GLB1L3: variants seen among roughly 807,000 people sequenced by gnomAD.
The protein encoded by GLB1L3 is galactosidase beta 1 like 3, also known as beta-galactosidase-1-like protein 3.
A neutral mutation model predicts 89.5 loss-of-function variants in GLB1L3; 89 were observed. The ratio of observed to expected loss-of-function variants is 0.99; its 90% CI spans 0.84 to 1.19. GLB1L3 has a LOEUF of 1.19. Ranked by LOEUF, GLB1L3 falls within the 50% of genes most tolerant of loss-of-function variation. The pLI is 0.00. For synonymous variants in GLB1L3, 314 were observed against 312.3 expected (o/e 1.01, Z -0.06); for missense variants, 812 against 813.3 (o/e 1.00, Z 0.02).
At chr11:134,314,791 A>C (rs1692879711) in intron 18 of GLB1L3, among the ~76,000 whole-genome samples, 1 of 152,168 alleles carries the variant, frequency 6.6e-6, no homozygotes, top group African/African-American at 2.4e-5. Context: ...ACACACGTAC[A>C]CAATTATTTT....
At chr11:134,294,819 G>T (rs537396468) in intron 9 of GLB1L3, among the ~76,000 whole-genome samples, 1 of 152,238 alleles carries the variant, frequency 6.6e-6, no homozygotes, top group African/African-American at 2.4e-5. Flanking sequence ...AGGACTCAGC[G>T]CTTCATTTCC....
Position 134,305,260 on chromosome 11 carries a change from C to T in GLB1L3, c.877-1864C>T, listed in dbSNP as rs372592285. ...ATTATGTAAAGTGCATTCCCTTCAC[C>T]AGCTTGTGCACCCTATTCTGTAACT... On this transcript the variant is annotated intron_variant, in intron 9 of 19. Transcript: ENST00000431683. 3 of 717,910 alleles carry T rather than the reference C, an allele frequency of 4.2e-6. No individual in the cohort carries two copies. In the African/African-American group the frequency reaches 5.2e-5, roughly 13 times the overall value. The allele number at this position is 717,910 out of a possible 1,614,324, so 44.5% of individuals were successfully genotyped here.
At chr11:134,297,876 A>AAAAAAAG (rs1555077361) in intron 9 of GLB1L3, among the ~76,000 whole-genome samples, 29 of 110,852 alleles carry the variant, frequency 2.6e-4, no homozygotes, top group Non-Finnish European at 3.8e-4. Flanking sequence ...AAAAAAAAAA[A>AAAAAAAG]AAAGAAAGAA....
intron 9 of GLB1L3, among the ~76,000 whole-genome samples, chr11:134,298,082 T>G (rs1412042236): frequency 6.6e-6 from 1 of 151,896 alleles, no homozygotes; most frequent in Non-Finnish European, 1.5e-5. Context: ...TTTTTTGTCT[T>G]TTATCCTCTG....
At chr11:134,292,872 C>T in intron 8 of GLB1L3, 2 of 532,890 alleles carry the variant, frequency 3.8e-6, no homozygotes, top group Non-Finnish European at 6.7e-6. Context: ...GTCCCGTTTC[C>T]AGTCTAATCA....
At chr11:134,299,934 G>A (rs1565405120) in intron 9 of GLB1L3, among the ~76,000 whole-genome samples, 1 of 152,132 alleles carries the variant, frequency 6.6e-6, no homozygotes, top group African/African-American at 2.4e-5. Flanking sequence ...ATGTCCTTAA[G>A]TGACAGCTTC....
intron 15 of GLB1L3, 56 bp downstream of exon 15, chr11:134,312,943 G>C (rs1488437229): frequency 1.7e-6 from 2 of 1,208,438 alleles, no homozygotes; most frequent in Non-Finnish European, 2.4e-6. Flanking sequence ...TGCAGACGGA[G>C]CCTGGTCCTG....
chr11:134,281,559 T>C (rs1940687326), intron 4 of GLB1L3, 114 bp downstream of exon 4: 1 of 1,063,636 alleles, frequency 9.4e-7, no homozygotes, highest in African/African-American at 1.7e-5. Flanking sequence ...TGGAGTCCTG[T>C]TCTAGGACTG....
rs775672234 is a variant in GLB1L3, at chr11:134,292,129, C to T, written c.730-3C>T. 4 of 1,612,322 alleles carry T rather than the reference C, an allele frequency of 2.5e-6. No individual in the cohort carries two copies. The South Asian group carries it at 3.3e-5, about 13-fold the overall frequency. On this transcript the variant is annotated splice_polypyrimidine_tract_variant and splice_region_variant and intron_variant, in intron 7 of 19. Transcript: ENST00000431683. Reference sequence around the variant, plus strand: ...GGTTCATTTTGGTTAATTTTCTCAACAGGCCCTGCTGAGAAGAGGGATTGT... The same window carrying T: ...GGTTCATTTTGGTTAATTTTCTCAATAGGCCCTGCTGAGAAGAGGGATTGT...
chr11:134,308,577 CCAT>C (rs1942525532), intron 10 of GLB1L3, among the ~76,000 whole-genome samples: 1 of 136,302 alleles, frequency 7.3e-6, no homozygotes. Context: ...ACCACCATCA[CCAT>C]CACCATCATC....
chr11:134,321,660 A>G (rs951522613), downstream of GLB1L3, among the ~76,000 whole-genome samples: 10 of 152,272 alleles, frequency 6.6e-5, no homozygotes, highest in Admixed American at 5.9e-4. Context: ...TCAGCAAACT[A>G]TCGCAAGGAC....
At chr11:134,288,044 C>G (rs1460368529) in intron 6 of GLB1L3, among the ~76,000 whole-genome samples, 1 of 152,120 alleles carries the variant, frequency 6.6e-6, no homozygotes, top group Non-Finnish European at 1.5e-5. Context: ...GGCTGGGCTC[C>G]AAGGAGAAGG....
rs553547890 is a variant in GLB1L3, at chr11:134,292,265, G to A, written c.811+52G>A. The A allele has an allele frequency of 1.1e-4, 146 of 1,387,698 alleles. No homozygotes were observed. In the East Asian group the frequency reaches 2.1e-3, roughly 20 times the overall value. 86.0% of individuals were successfully genotyped at this position (1,387,698 alleles called of 1,614,324 possible). ...AGAACAGGGCTCTCAGCCAGCCCGT[G>A]TAAATCTTGAACACACTGCAGAGAA... On this transcript the variant is annotated intron_variant, in intron 8 of 19. Transcript: ENST00000431683.
chr11:134,293,113 G>A (rs750873124), intron 8 of GLB1L3, 32 bp from the exon 9 acceptor site: 8 of 1,597,366 alleles, frequency 5.0e-6, no homozygotes, highest in South Asian at 3.3e-5. Flanking sequence ...CTTGTCTCAT[G>A]CCTCAGCTGG....
chr11:134,284,581 T>C (rs951479202), intron 6 of GLB1L3, among the ~76,000 whole-genome samples: 1 of 151,888 alleles, frequency 6.6e-6, no homozygotes, highest in Admixed American at 6.6e-5. Flanking sequence ...ACAAAAAAAT[T>C]AGCTGGGCAT....
chr11:134,304,663 T>G (rs1007682120), intron 9 of GLB1L3, among the ~76,000 whole-genome samples: 1 of 152,150 alleles, frequency 6.6e-6, no homozygotes, highest in African/African-American at 2.4e-5. Flanking sequence ...CTTTGTTAGG[T>G]AATATTTTAG....
intron 11 of GLB1L3, 130 bp from the exon 12 acceptor site, chr11:134,310,441 C>A: frequency 3.0e-6 from 2 of 659,878 alleles, no homozygotes; most frequent in Middle Eastern, 3.6e-4. Context: ...GCATCACACA[C>A]CCACGTGGGA....
intron 15 of GLB1L3, 123 bp downstream of exon 15, chr11:134,313,010 G>C (rs1177073803): frequency 3.9e-6 from 3 of 770,112 alleles, no homozygotes; most frequent in Non-Finnish European, 4.5e-6. Flanking sequence ...CACCTGGGGC[G>C]GCGGCAGGAA....
At position 134,309,683 on chromosome 11, in the gene GLB1L3, T is replaced by C. The variant is rs1487358243; in HGVS notation, c.1019T>C (p.Met340Thr). The change falls in exon 11 of 20, where the codon ATG (methionine) becomes ACG (threonine). Residue 340 changes from methionine (M) to threonine (T), a missense_variant. Physicochemically the swap from Met to Thr is moderately conservative, Grantham distance 81. Coordinates refer to ENST00000431683, the MANE Select transcript of GLB1L3 (RefSeq NM_001080407.3). ...IKYEISFNVYMFHGGTNFGFM... is the reference protein window; with the variant it reads ...IKYEISFNVYTFHGGTNFGFM... ...TATGAGATCTCCTTCAATGTATATA[T>C]GTTCCATGGTGGAACCAACTTTGGT... 6.2e-7 allele frequency: 1 copy of C among 1,613,022 alleles called. No individual in the cohort carries two copies. Among genetic ancestry groups the C allele is most frequent in the Non-Finnish European group, 8.5e-7 (1 of 1,179,392 alleles).
Sources: allele counts gnomAD v4.1 joint callset (sites outside exome capture counted in the v4.1 genomes callset), GRCh38; gene constraint gnomAD v4.1.1; transcripts MANE v1.5; gene names NCBI Gene and HGNC (gene_info 2026-07-23, HGNC 2026-07-21).